OR9I1: variants seen among roughly 807,000 people sequenced by gnomAD.
OR9I1 encodes the protein olfactory receptor family 9 subfamily I member 1, also known as olfactory receptor 9I1.
A neutral mutation model predicts 11.2 loss-of-function variants in OR9I1; 7 were observed. The observed-to-expected ratio is 0.62, with a 90% confidence interval of 0.36 to 1.17. The LOEUF (loss-of-function observed/expected upper bound fraction) is 1.17. Among genes scored for constraint, OR9I1 ranks in the 50% most tolerant of loss-of-function variants. The pLI, the probability that OR9I1 is intolerant of heterozygous loss-of-function variation, is 0.02. For synonymous variants in OR9I1, 165 were observed against 153.4 expected, an observed-to-expected ratio of 1.08 and a Z score of -0.56; for missense variants, 428 against 377.2, an observed-to-expected ratio of 1.13 and a Z score of -1.12.
chr11:58,119,594 G>A (rs1854005882), intron 2 of OR9I1, 128 bp from the exon 3 acceptor site: 1 of 592,748 alleles, frequency 1.7e-6, no homozygotes, highest in East Asian at 2.8e-5. Context: ...TCTGAAACTG[G>A]CTGATTTTCC....
At chr11:58,120,919 C>T (rs1228945240) in intron 2 of OR9I1, among the ~76,000 whole-genome samples, 1 of 150,906 alleles carries the variant, frequency 6.6e-6, no homozygotes, top group African/African-American at 2.4e-5. Flanking sequence ...CTTCTCCCTT[C>T]CACCCCCTTA....
Position 58,119,342 on chromosome 11 carries a change from A to G in OR9I1, c.103T>C (p.Tyr35His). ...ACATTCCCAAGAAGGGTGACTAGGT[A>G]GAAACTCAGAAACACCAGAAAGAGG... ...IPLFLVFLSF[Y>H]LVTLLGNVGM... Residue 35 changes from tyrosine to histidine, a missense_variant, in exon 3 of 3, where the codon TAC becomes CAC. Transcript: ENST00000641439. 6.2e-7 allele frequency: 1 copy of G among 1,613,854 alleles called. No homozygotes were observed.
chr11:58,120,968 G>C (rs1225385001), intron 2 of OR9I1, among the ~76,000 whole-genome samples: 13 of 151,794 alleles, frequency 8.6e-5, no homozygotes, highest in Admixed American at 8.5e-4. Context: ...ATATGGGAAT[G>C]CTTGCTAATT....
chr11:58,124,855 C>T (rs778717264), intron 1 of OR9I1, among the ~76,000 whole-genome samples: 32 of 152,126 alleles, frequency 2.1e-4, no homozygotes, highest in Non-Finnish European at 4.0e-4. Context: ...ATCTTCTCTG[C>T]GCTGATCACA....
intron 2 of OR9I1, among the ~76,000 whole-genome samples, chr11:58,121,466 T>A (rs1272820672): frequency 6.6e-6 from 1 of 152,128 alleles, no homozygotes; most frequent in African/African-American, 2.4e-5. Context: ...ACAGGTGACA[T>A]TAGTTTGTTT....
At position 58,118,572 on chromosome 11, in the gene OR9I1, G is replaced by A. The variant is rs1447017261; in HGVS notation, c.873C>T (p.Ser291=). Residue 291 remains serine (S), a synonymous_variant, in exon 3 of 3, where the codon AGC becomes AGT. Transcript: ENST00000641439. ...CGTCTTTTACATCTTTGTTTCTTAAGCTGTAGATCAGAGGGTTCAGCATGG... is the reference window on the plus strand; with the variant it reads ...CGTCTTTTACATCTTTGTTTCTTAAACTGTAGATCAGAGGGTTCAGCATGG... ...VIPMLNPLIY[S]LRNKDVKDAF... The A allele has an allele frequency of 6.2e-7, 1 of 1,613,856 alleles. No individual in the cohort carries two copies. Among genetic ancestry groups the A allele is most frequent in the African/African-American group, 1.3e-5 (1 of 74,936 alleles).
chr11:58,124,010 G>A (rs1273248824), intron 2 of OR9I1, among the ~76,000 whole-genome samples: 4 of 152,148 alleles, frequency 2.6e-5, no homozygotes, highest in Non-Finnish European at 4.4e-5. Flanking sequence ...ATATAGTAAC[G>A]ATTCTTGAAA....
At position 58,121,993 on chromosome 11, in the gene OR9I1, G is replaced by T. The variant is rs151309199; in HGVS notation, c.-23+2445C>A. On this transcript the variant is annotated intron_variant, in intron 2 of 2. Transcript: ENST00000641439. ...GCTATTTGCAGACTTGGGGATAACA[G>T]GCAGGTCCTCTGGCTTCCATGGGAT... Among the ~76,000 whole-genome samples, 3 of 152,170 alleles carry T rather than the reference G, an allele frequency of 2.0e-5. 1 individual carries two copies. The highest frequency in any genetic ancestry group is 2.0e-4 in the Admixed American group (3 of 15,274).
rs745952736 is a variant in OR9I1 at position 58,118,985 on chromosome 11, A to ACACCCCACAGACATAGGCTCCTAC, written c.436_459dup (p.Val146_Val153dup). ...CAAGTGGTACGCAGGATGGCTCCTG[A>ACACCCCACAGACATAGGCTCCTAC]CACCCCACAGACATAGGCTCCTACC... On this transcript the variant is annotated inframe_insertion, in exon 3 of 3. Coordinates refer to ENST00000641439, the MANE Select transcript of OR9I1 (RefSeq NM_001005211.2). 1 of 1,613,882 alleles carries ACACCCCACAGACATAGGCTCCTAC rather than the reference A, an allele frequency of 6.2e-7. No homozygotes were observed. Among genetic ancestry groups the ACACCCCACAGACATAGGCTCCTAC allele is most frequent in the Admixed American group, 1.7e-5 (1 of 60,018 alleles).
chr11:58,119,331 G>C lies in OR9I1; in HGVS notation c.114C>G (p.Thr38=), dbSNP rs200916365. ...FLVFLSFYLV[T]LLGNVGMIML... ...TAATCATCCCCACATTCCCAAGAAG[G>C]GTGACTAGGTAGAAACTCAGAAACA... is the stretch of plus-strand genomic sequence containing the variant. The change falls in exon 3 of 3, where the codon ACC becomes ACG. Residue 38 remains threonine, a synonymous_variant. Coordinates refer to ENST00000641439, the MANE Select transcript of OR9I1 (RefSeq NM_001005211.2). 17 of 1,613,686 alleles carry C rather than the reference G, an allele frequency of 1.1e-5. No homozygotes were observed. The highest frequency in any genetic ancestry group is 1.7e-4 in the Middle Eastern group (1 of 6,060).
rs145820418 is a variant in OR9I1, at chr11:58,119,277, G to A, written c.168C>T (p.Tyr56=). Residue 56 remains tyrosine, a synonymous_variant, in exon 3 of 3, where the codon TAC becomes TAT. Coordinates refer to ENST00000641439, the MANE Select transcript of OR9I1 (RefSeq NM_001005211.2). ...IMLIQVDVKL[Y]TPMYFFLSHL... ...GGCTCAGGAAGAAGTACATTGGGGT[G>A]TAGAGTTTGACATCTACTTGGATTA... 6.9e-5 allele frequency: 112 copies of A among 1,614,030 alleles called. No homozygotes were observed. In the African/African-American group the frequency reaches 1.3e-3, roughly 18 times the overall value.
rs1853973258 is a variant in OR9I1 at position 58,117,857 on chromosome 11, A to G, written c.*643T>C. The G allele has an allele frequency of 6.6e-6, 1 of 152,150 alleles. No homozygotes were observed. The highest frequency in any genetic ancestry group is 1.5e-5 in the Non-Finnish European group (1 of 68,052). The allele number at this position is 152,150 out of a possible 1,614,324, so 9.4% of individuals were successfully genotyped here. ...TAAAAAAAGGAACAACAAAACCAGT[A>G]AGGTACCAAGTGATAAGGAAAATTT... is the stretch of plus-strand genomic sequence containing the variant. On this transcript the variant is annotated 3_prime_UTR_variant, in exon 3 of 3. Coordinates refer to ENST00000641439, the MANE Select transcript of OR9I1 (RefSeq NM_001005211.2).
rs142508503 is a variant in OR9I1 at position 58,119,245 on chromosome 11, G to C, written c.200C>G (p.Ser67Cys). Reference protein sequence around the residue: ...TPMYFFLSHLSLLDACYTSVI... With the variant: ...TPMYFFLSHLCLLDACYTSVI... ...TGAGGTGTAACAGGCATCCAGCAGG[G>C]AGAGGTGGCTCAGGAAGAAGTACAT... is the stretch of plus-strand genomic sequence containing the variant. Residue 67 changes from serine to cysteine, a missense_variant, in exon 3 of 3, where the codon TCC becomes TGC. Coordinates refer to ENST00000641439, the MANE Select transcript of OR9I1 (RefSeq NM_001005211.2). 1.2e-5 allele frequency: 19 copies of C among 1,614,020 alleles called. No individual in the cohort carries two copies. The African/African-American group carries it at 2.0e-4, about 17-fold the overall frequency.
At chr11:58,121,227 T>C (rs750413821) in intron 2 of OR9I1, among the ~76,000 whole-genome samples, 11 of 152,230 alleles carry the variant, frequency 7.2e-5, no homozygotes, top group South Asian at 4.1e-4. Flanking sequence ...ATTTGAGTCA[T>C]GGAAATTTTG....
chr11:58,118,616 A>C lies in OR9I1; in HGVS notation c.829T>G (p.Phe277Val). 9 of 1,614,064 alleles carry C rather than the reference A, an allele frequency of 5.6e-6. No individual in the cohort carries two copies. Among genetic ancestry groups the C allele is most frequent in the Non-Finnish European group, 7.6e-6 (9 of 1,179,966 alleles). ...SLEEDKVVSV[F>V]YTVVIPMLNP... The stretch of plus-strand genomic sequence containing the variant: ...AGCATGGGGATGACCACTGTATAGA[A>C]GACAGACACGACTTTGTCTTCCTCC... Residue 277 changes from phenylalanine to valine, a missense_variant, in exon 3 of 3, where the codon TTC becomes GTC. Phe to Val is a conservative substitution (Grantham distance 50). Transcript: ENST00000641439.
chr11:58,119,535 G>A (rs770794228), intron 2 of OR9I1, 69 bp from the exon 3 acceptor site: 90 of 900,222 alleles, frequency 1.0e-4, no homozygotes, highest in Non-Finnish European at 1.4e-4. Flanking sequence ...TATGGTGGAA[G>A]TTTTGGTTTT....
In OR9I1 at chr11:58,117,368, G is replaced by A. The variant is rs552486293; in HGVS notation, c.*1132C>T. On this transcript the variant is annotated 3_prime_UTR_variant, in exon 3 of 3. Coordinates refer to ENST00000641439, the MANE Select transcript of OR9I1 (RefSeq NM_001005211.2). ...TCCCTTGTCTACTGCTGTATACTCC[G>A]AGTACTCTTTGACTCATGAGGAAGT... 6.6e-6 allele frequency: 1 copy of A among 152,036 alleles called. No homozygotes were observed. The highest frequency in any genetic ancestry group is 1.5e-5 in the Non-Finnish European group (1 of 68,006). 9.4% of individuals were successfully genotyped at this position (152,036 alleles called of 1,614,324 possible).
intron 1 of OR9I1, 25 bp downstream of exon 1, chr11:58,125,249 C>CCCAA (rs141493207): frequency 3.7e-5 from 3 of 81,212 alleles, no homozygotes; most frequent in Non-Finnish European, 6.9e-5. Flanking sequence ...GCCCCCCCCC[C>CCCAA]AAAAAAAAGC....
Position 58,116,911 on chromosome 11 carries a change from C to T in OR9I1, c.*1589G>A, listed in dbSNP as rs1853960864. The T allele has an allele frequency of 6.6e-6, 1 of 152,184 alleles. No homozygotes were observed. The highest frequency in any genetic ancestry group is 1.5e-5 in the Non-Finnish European group (1 of 68,028). 9.4% of individuals were successfully genotyped at this position (152,184 alleles called of 1,614,324 possible). A position where few individuals can be genotyped will look rare whatever the true frequency, so the allele number is the denominator to read the frequency against. ...ATAACATATTCACTTACAAATACAT[C>T]CTTTTATTATTCTTGACTATGTGGG... On this transcript the variant is annotated 3_prime_UTR_variant, in exon 3 of 3. Coordinates refer to ENST00000641439, the MANE Select transcript of OR9I1 (RefSeq NM_001005211.2).
Sources: allele counts gnomAD v4.1 joint callset (sites outside exome capture counted in the v4.1 genomes callset), GRCh38; gene constraint gnomAD v4.1.1; transcripts MANE v1.5; gene names NCBI Gene and HGNC (gene_info 2026-07-23, HGNC 2026-07-21).